The following ANKAR variants were observed in gnomAD, a reference collection of about 807,000 sequenced individuals.
The protein encoded by ANKAR is ankyrin and armadillo repeat containing.
In ANKAR, 136 loss-of-function variants were observed where a neutral mutation model predicts 146.2. The ratio of observed to expected loss-of-function variants is 0.93; its 90% CI spans 0.81 to 1.07. The LOEUF (loss-of-function observed/expected upper bound fraction) is 1.07. Ranked by LOEUF, ANKAR falls within the 50% of genes least tolerant of loss-of-function variation. The probability of loss-of-function intolerance (pLI) is 0.00; values close to 1 mark genes in which losing one functional copy is unlikely to be tolerated. For missense variants in ANKAR, 1,567 were observed against 1,679.9 expected (o/e 0.93, Z 1.18); for synonymous variants, 500 against 575.8 (o/e 0.87, Z 1.88).
At position 189,752,896 on chromosome 2, in the gene ANKAR, C is replaced by T. The variant is rs1421957773; in HGVS notation, c.*584+8108C>T. On this transcript the variant is annotated intron_variant and NMD_transcript_variant, in intron 18 of 18. Transcript: ENST00000441800. ...CAGTGCATAGTCTGGGAGGAGGACA[C>T]AACAAAGTGCACTGTGTTGCATTTG... 3 of 1,613,874 alleles carry T rather than the reference C, an allele frequency of 1.9e-6. No homozygotes were observed. In the South Asian group the frequency reaches 3.3e-5, roughly 18 times the overall value.
chr2:189,710,946 C>A, intron 9 of ANKAR, 103 bp from the exon 10 acceptor site: 1 of 893,988 alleles, frequency 1.1e-6, no homozygotes, highest in Non-Finnish European at 1.8e-6. Context: ...ATAGTGGTGA[C>A]CTCAACTGTT....
chr2:189,761,962 GTGCTATT>G (rs1226923631), downstream of ANKAR, among the ~76,000 whole-genome samples: 1 of 152,142 alleles, frequency 6.6e-6, no homozygotes, highest in Non-Finnish European at 1.5e-5. Flanking sequence ...CCTCTGAAAA[GTGCTATT>G]TATTTTTTGA....
At chr2:189,705,885 C>T (rs2038864216) in intron 8 of ANKAR, among the ~76,000 whole-genome samples, 1 of 151,998 alleles carries the variant, frequency 6.6e-6, no homozygotes, top group African/African-American at 2.4e-5. Context: ...TACTTTGGAT[C>T]TCTGAACCTG....
Position 189,744,740 on chromosome 2 carries a change from A to G in ANKAR, c.4011-2A>G. ...TTAATGACAAAAATGTTTTCCTTTT[A>G]GTCTGGAGAAGAATGGAGGACCATC... On this transcript the variant is annotated splice_acceptor_variant, in intron 21 of 22. Coordinates refer to ENST00000684021, the MANE Select transcript of ANKAR (RefSeq NM_001378068.1). LOFTEE classifies it high-confidence loss of function. 1 of 1,586,774 alleles carries G rather than the reference A, an allele frequency of 6.3e-7. No homozygotes were observed. Among genetic ancestry groups the G allele is most frequent in the Non-Finnish European group, 8.6e-7 (1 of 1,160,624 alleles).
downstream of ANKAR, among the ~76,000 whole-genome samples, chr2:189,751,593 T>C (rs1318774948): frequency 6.6e-6 from 1 of 151,380 alleles, no homozygotes; most frequent in African/African-American, 2.4e-5. Context: ...TACAGGTGCC[T>C]GCCACTACGC....
intron 3 of ANKAR, among the ~76,000 whole-genome samples, chr2:189,691,788 G>C (rs1156684976): frequency 6.6e-6 from 1 of 151,220 alleles, no homozygotes; most frequent in African/African-American, 2.4e-5. Context: ...TTTGAGACAG[G>C]GTGTCACTCT....
In ANKAR at chr2:189,720,901, C is replaced by G. The variant is rs1470100; in HGVS notation, c.2635+114C>G. On this transcript the variant is annotated intron_variant, in intron 12 of 22. Coordinates refer to ENST00000684021, the MANE Select transcript of ANKAR (RefSeq NM_001378068.1). ...GTCCCGAATCTGTGTTTGAATAGAT[C>G]TAAACGTGTAATATAACCTTAATAT... 4.9e-3 allele frequency: 4,044 copies of G among 830,584 alleles called. 132 individuals are homozygous for G. In the African/African-American group the frequency reaches 0.064, roughly 13 times the overall value. 51.5% of individuals were successfully genotyped at this position (830,584 alleles called of 1,614,324 possible).
intron 2 of ANKAR, among the ~76,000 whole-genome samples, chr2:189,688,899 G>C (rs2105791486): frequency 6.6e-6 from 1 of 151,914 alleles, no homozygotes; most frequent in South Asian, 2.1e-4. Flanking sequence ...GTCTTATGAG[G>C]AGAAAGTTAC....
chr2:189,678,393 C>T (rs947327157), intron 2 of ANKAR, among the ~76,000 whole-genome samples: 2 of 152,204 alleles, frequency 1.3e-5, no homozygotes, highest in South Asian at 2.1e-4. Context: ...TGTGGGTTGT[C>T]TGTTTACTGA....
intron 8 of ANKAR, among the ~76,000 whole-genome samples, chr2:189,706,718 G>T (rs2039002153): frequency 6.6e-6 from 1 of 152,136 alleles, no homozygotes; most frequent in Non-Finnish European, 1.5e-5. Context: ...AAATTATAAG[G>T]CATGATAATT....
intron 4 of ANKAR, 126 bp from the exon 5 acceptor site, chr2:189,692,948 C>T: frequency 2.0e-6 from 1 of 497,596 alleles, no homozygotes. Context: ...CAGCTGCTAT[C>T]CGGGTCTTCT....
intron 17 of ANKAR, among the ~76,000 whole-genome samples, chr2:189,734,045 T>C (rs992392932): frequency 4.6e-5 from 7 of 152,180 alleles, no homozygotes; most frequent in South Asian, 2.1e-4. Flanking sequence ...CCTAATTAAA[T>C]TGAAGTTACA....
chr2:189,740,282 G>C (rs548249834), intron 19 of ANKAR, among the ~76,000 whole-genome samples: 2 of 152,240 alleles, frequency 1.3e-5, no homozygotes, highest in African/African-American at 4.8e-5. Flanking sequence ...CATCTTTAAA[G>C]GGTCTTTTTA....
At position 189,676,788 on chromosome 2, in the gene ANKAR, G is replaced by A. The variant is rs774543927; in HGVS notation, c.298G>A (p.Val100Ile). ...DPTALLDYREVHQMIRELAIG... is the reference protein window; with the variant it reads ...DPTALLDYREIHQMIRELAIG... ...TACTGCCCTCTTAGACTATAGAGAG[G>A]TCCATCAAATGATAAGAGAGTTGGC... The change falls in exon 2 of 23, where the codon GTC becomes ATC. Residue 100 changes from valine (V) to isoleucine (I), a missense_variant. By Grantham distance (29) the Val-to-Ile change is conservative. Coordinates refer to ENST00000684021, the MANE Select transcript of ANKAR (RefSeq NM_001378068.1). The A allele has an allele frequency of 6.2e-7, 1 of 1,614,120 alleles. No homozygotes were observed. The highest frequency in any genetic ancestry group is 8.5e-7 in the Non-Finnish European group (1 of 1,180,024).
In ANKAR at chr2:189,711,157, A is replaced by G; in HGVS notation, c.2224+4A>G. ...TGGAGATGTATTTTGGATGCAGGTG[A>G]TGCAAACTCTATTAATAACTTTTTA... On this transcript the variant is annotated splice_donor_region_variant and intron_variant, in intron 10 of 22. Coordinates refer to ENST00000684021, the MANE Select transcript of ANKAR (RefSeq NM_001378068.1). The G allele has an allele frequency of 1.9e-6, 3 of 1,600,484 alleles. No homozygotes were observed. The highest frequency in any genetic ancestry group is 1.7e-6 in the Non-Finnish European group (2 of 1,169,342).
Position 189,728,031 on chromosome 2 carries a change from C to T in ANKAR, c.2811C>T (p.His937=), listed in dbSNP as rs756350110. The T allele has an allele frequency of 3.7e-6, 6 of 1,613,852 alleles. No individual in the cohort carries two copies. In the East Asian group the frequency reaches 1.3e-4, roughly 36 times the overall value. The change falls in exon 13 of 23, where the codon CAC becomes CAT. Residue 937 remains histidine (H), a synonymous_variant. Coordinates refer to ENST00000684021, the MANE Select transcript of ANKAR (RefSeq NM_001378068.1). ...GAMAVESLAS[H]NALIQKAFLE... is the part of the protein sequence containing the mutation. ...TGGCTGTGGAATCACTGGCAAGTCA[C>T]AACGCTCTTATACAGAAAGCATTTC...
In ANKAR at chr2:189,742,104, T is replaced by G. The variant is rs911419806; in HGVS notation, c.3810+653T>G. On this transcript the variant is annotated intron_variant, in intron 20 of 22. Transcript: ENST00000684021. ...TGAGTGTTCCCCTACTCTCTTCCAC[T>G]AAGGTCTAAAGCAGTGTTACTCCAC... Among the ~76,000 whole-genome samples, 4 of 152,164 alleles carry G rather than the reference T, an allele frequency of 2.6e-5. No homozygotes were observed. The East Asian group carries it at 7.7e-4, about 29-fold the overall frequency.
chr2:189,754,761 G>C (rs558555684), intron 18 of ANKAR: 2 of 230,696 alleles, frequency 8.7e-6, no homozygotes, highest in Non-Finnish European at 8.3e-6. Flanking sequence ...AGGGGGGTGG[G>C]GGGGGACCCT....
At chr2:189,697,980 A>G (rs537911098) in intron 7 of ANKAR, among the ~76,000 whole-genome samples, 3 of 152,236 alleles carry the variant, frequency 2.0e-5, no homozygotes, top group Admixed American at 2.0e-4. Flanking sequence ...AGATACATCT[A>G]CATAGTCATT....
Sources: gnomAD v4.1 joint callset for allele counts (sites outside exome capture counted in the v4.1 genomes callset) on GRCh38, gnomAD v4.1.1 for gene constraint, MANE v1.5 for transcripts, NCBI Gene and HGNC (gene_info 2026-07-23, HGNC 2026-07-21) for gene names.